Variants in B3GALT1 observed in about 807,000 individuals in gnomAD.
B3GALT1 encodes beta-1,3-galactosyltransferase 1, also known as UDP-Gal:betaGlcNAc beta 1,3-galactosyltransferase, polypeptide 1.
B3GALT1 carries 10 observed loss-of-function variants against 23.2 expected under a neutral mutation model. The ratio of observed to expected loss-of-function variants is 0.43; its 90% CI spans 0.27 to 0.73. The LOEUF (loss-of-function observed/expected upper bound fraction) is 0.73, where lower values mean the gene tolerates loss of function less well. Among genes scored for constraint, B3GALT1 ranks in the 30% least tolerant of loss-of-function variants. B3GALT1 has a pLI of 0.21. For missense variants in B3GALT1, 299 were observed against 405.4 expected (o/e 0.74, Z 2.25); for synonymous variants, 156 against 141.5 (o/e 1.10, Z -0.73).
Position 167,562,665 on chromosome 2 carries a change from TTAA to T in B3GALT1, c.-410+72390_-410+72392del, listed in dbSNP as rs1181419343. ...ACAAGCATTCTTTTTTTTTTTTTTT[TTAA>T]TTGATCATTCTTGGGTGTTTCTCGC... On this transcript the variant is annotated intron_variant, in intron 2 of 4. Transcript: ENST00000392690. Among the ~76,000 whole-genome samples, 466 of 151,724 alleles carry T rather than the reference TTAA, an allele frequency of 3.1e-3. 1 individual carries two copies. The highest frequency in any genetic ancestry group is 1.0e-2 in the African/African-American group (412 of 41,230).
intron 3 of B3GALT1, among the ~76,000 whole-genome samples, chr2:167,659,265 T>C (rs1338163978): frequency 6.6e-6 from 1 of 151,840 alleles, no homozygotes; most frequent in East Asian, 1.9e-4. Flanking sequence ...GGGAGGGGTG[T>C]TGTAATTAAT....
chr2:167,398,801 A>G (rs920990055), intron 1 of B3GALT1, among the ~76,000 whole-genome samples: 5 of 152,104 alleles, frequency 3.3e-5, no homozygotes, highest in African/African-American at 1.2e-4. Context: ...TTGGACCAAT[A>G]GTTGTAGCTA....
chr2:167,791,233 C>T (rs926135407), intron 3 of B3GALT1, among the ~76,000 whole-genome samples: 1 of 152,170 alleles, frequency 6.6e-6, no homozygotes, highest in Non-Finnish European at 1.5e-5. Context: ...ACTAAAGTCA[C>T]ACAGCTAGTG....
At chr2:167,421,807 A>G (rs927872485) in intron 1 of B3GALT1, among the ~76,000 whole-genome samples, 2 of 152,236 alleles carry the variant, frequency 1.3e-5, no homozygotes, top group Admixed American at 1.3e-4. Flanking sequence ...TGAAATAAAA[A>G]CAGCTTGACC....
intron 1 of B3GALT1, among the ~76,000 whole-genome samples, chr2:167,408,244 T>A (rs1376198806): frequency 1.3e-5 from 2 of 152,104 alleles, no homozygotes; most frequent in Non-Finnish European, 2.9e-5. Context: ...ATGCAATATA[T>A]CACATTAACA....
chr2:167,782,852 A>G (rs1312242368), intron 3 of B3GALT1, among the ~76,000 whole-genome samples: 4 of 152,246 alleles, frequency 2.6e-5, no homozygotes, highest in Admixed American at 6.5e-5. Flanking sequence ...TTATAAGGTC[A>G]TGAAATTATT....
intron 4 of B3GALT1, among the ~76,000 whole-genome samples, chr2:167,823,945 T>G (rs1218336068): frequency 1.3e-5 from 2 of 152,246 alleles, no homozygotes; most frequent in African/African-American, 4.8e-5. Context: ...TTCTTAGCTA[T>G]TATTATTTGC....
At chr2:167,642,779 G>A (rs182423533) in intron 2 of B3GALT1, among the ~76,000 whole-genome samples, 1 of 152,040 alleles carries the variant, frequency 6.6e-6, no homozygotes, top group African/African-American at 2.4e-5. Flanking sequence ...CCCTCTTCAG[G>A]AGTGTAAACT....
At chr2:167,387,052 C>G (rs1220879723) in intron 1 of B3GALT1, among the ~76,000 whole-genome samples, 2 of 151,586 alleles carry the variant, frequency 1.3e-5, no homozygotes, top group Non-Finnish European at 2.9e-5. Context: ...AAGGAAACTG[C>G]CTTGGAAACC....
chr2:167,712,477 G>C (rs770847569), intron 3 of B3GALT1, among the ~76,000 whole-genome samples: 1 of 151,626 alleles, frequency 6.6e-6, no homozygotes, highest in Non-Finnish European at 1.5e-5. Context: ...ATGGCAGCCT[G>C]GGGGGAAGCA....
intron 4 of B3GALT1, among the ~76,000 whole-genome samples, chr2:167,824,483 G>A (rs1689173535): frequency 6.6e-6 from 1 of 152,204 alleles, no homozygotes. Flanking sequence ...AATTTCTGAA[G>A]TGACATTGGC....
At chr2:167,470,144 C>G (rs969102173) in intron 1 of B3GALT1, among the ~76,000 whole-genome samples, 1 of 152,086 alleles carries the variant, frequency 6.6e-6, no homozygotes, top group Non-Finnish European at 1.5e-5. Flanking sequence ...CCCCATGTCT[C>G]TATTTGATTT....
At chr2:167,429,295 A>T (rs1031235505) in intron 1 of B3GALT1, among the ~76,000 whole-genome samples, 95 of 151,880 alleles carry the variant, frequency 6.3e-4, no homozygotes, top group Non-Finnish European at 1.1e-3. Context: ...AAAAAAAAAA[A>T]AAAAATAAGA....
intron 1 of B3GALT1, among the ~76,000 whole-genome samples, chr2:167,341,547 A>G (rs1697146666): frequency 6.6e-6 from 1 of 152,044 alleles, no homozygotes; most frequent in African/African-American, 2.4e-5. Flanking sequence ...CTGTAGTCCT[A>G]GCTATTTGGG....
intron 4 of B3GALT1, among the ~76,000 whole-genome samples, chr2:167,863,131 G>T (rs1690137861): frequency 6.6e-6 from 1 of 151,924 alleles, no homozygotes; most frequent in South Asian, 2.1e-4. Flanking sequence ...AAAACTGAAA[G>T]AACTTTCCAG....
chr2:167,448,300 T>G (rs556946614), intron 1 of B3GALT1, among the ~76,000 whole-genome samples: 1 of 152,342 alleles, frequency 6.6e-6, no homozygotes, highest in Admixed American at 6.5e-5. Context: ...TTTTAATCTT[T>G]TGATTATGGT....
intron 1 of B3GALT1, among the ~76,000 whole-genome samples, chr2:167,443,969 G>C (rs1192400855): frequency 1.3e-5 from 2 of 152,180 alleles, no homozygotes; most frequent in Admixed American, 1.3e-4. Context: ...AATGCTTCCA[G>C]TTTTTGCCCA....
intron 1 of B3GALT1, among the ~76,000 whole-genome samples, chr2:167,451,336 A>G (rs1261802664): frequency 6.6e-6 from 1 of 152,066 alleles, no homozygotes; most frequent in Non-Finnish European, 1.5e-5. Flanking sequence ...TGTCAGAGGG[A>G]AGGTCTAGGG....
chr2:167,557,621 C>T (rs1683877287), intron 2 of B3GALT1, among the ~76,000 whole-genome samples: 3 of 152,316 alleles, frequency 2.0e-5, no homozygotes, highest in Middle Eastern at 6.8e-3. Context: ...CTGCCCTGGA[C>T]TGTCAAAGTG....
Sources: allele counts gnomAD v4.1 joint callset (sites outside exome capture counted in the v4.1 genomes callset), GRCh38; gene constraint gnomAD v4.1.1; transcripts MANE v1.5; gene names NCBI Gene and HGNC (gene_info 2026-07-23, HGNC 2026-07-21).